The following AK9 variants were observed in gnomAD, a reference collection of about 807,000 sequenced individuals.
AK9 encodes adenylate kinase 9.
AK9 carries 191 observed loss-of-function variants against 239.6 expected under a neutral mutation model. The observed-to-expected ratio is 0.80, with a 90% CI of 0.71 to 0.90. The LOEUF is 0.90. Among genes scored for constraint, AK9 ranks in the 40% least tolerant of loss-of-function variants. AK9 has a pLI of 0.00. For synonymous variants in AK9, 689 were observed against 721.0 expected, an observed-to-expected ratio of 0.96 and a Z score of 0.71; for missense variants, 1,995 against 2,214.7, an observed-to-expected ratio of 0.90 and a Z score of 1.99.
intron 20 of AK9, among the ~76,000 whole-genome samples, chr6:109,578,176 C>T (rs963989727): frequency 5.3e-5 from 8 of 152,158 alleles, no homozygotes; most frequent in African/African-American, 1.9e-4. Flanking sequence ...CTCAGGTGAT[C>T]CACCCACCTC....
chr6:109,543,026 C>T (rs556083480), intron 26 of AK9, among the ~76,000 whole-genome samples: 15 of 152,038 alleles, frequency 9.9e-5, no homozygotes, highest in Non-Finnish European at 2.1e-4. Context: ...ATTATCTCTC[C>T]AACCTAGATC....
intron 19 of AK9, among the ~76,000 whole-genome samples, chr6:109,580,234 G>A (rs1788654728): frequency 6.6e-6 from 1 of 152,046 alleles, no homozygotes; most frequent in Admixed American, 6.6e-5. Flanking sequence ...GAAATTTAAA[G>A]AGACCTGGAA....
At chr6:109,652,342 A>C (rs953198819) in intron 8 of AK9, among the ~76,000 whole-genome samples, 1 of 143,220 alleles carries the variant, frequency 7.0e-6, no homozygotes, top group Non-Finnish European at 1.6e-5. Flanking sequence ...AGGCCTTCAA[A>C]AAAATTCAAC....
intron 28 of AK9, among the ~76,000 whole-genome samples, chr6:109,532,059 A>G (rs775164445): frequency 6.6e-6 from 1 of 152,198 alleles, no homozygotes; most frequent in Non-Finnish European, 1.5e-5. Context: ...TGGTTTTAAC[A>G]CTTTGGCAGT....
At chr6:109,626,564 T>C (rs886221711) in intron 12 of AK9, among the ~76,000 whole-genome samples, 1 of 152,170 alleles carries the variant, frequency 6.6e-6, no homozygotes, top group African/African-American at 2.4e-5. Context: ...GCAAACAGCA[T>C]AGAGTGTACT....
intron 10 of AK9, among the ~76,000 whole-genome samples, chr6:109,636,064 A>G (rs1438264126): frequency 6.6e-6 from 1 of 152,232 alleles, no homozygotes; most frequent in East Asian, 1.9e-4. Context: ...AAGGTTAAGC[A>G]GAGTCACAGG....
At chr6:109,620,234 A>G (rs1794654140) in intron 12 of AK9, among the ~76,000 whole-genome samples, 1 of 152,116 alleles carries the variant, frequency 6.6e-6, no homozygotes, top group South Asian at 2.1e-4. Context: ...AAACCATCAA[A>G]CTGTTTCCAA....
At chr6:109,528,970 G>T in intron 29 of AK9, 41 bp downstream of exon 29, 1 of 1,576,156 alleles carries the variant, frequency 6.3e-7, no homozygotes. Context: ...CTGGGCAACA[G>T]AGTGAGACCC....
intron 8 of AK9, among the ~76,000 whole-genome samples, chr6:109,650,084 T>A (rs1419427780): frequency 1.3e-5 from 2 of 152,128 alleles, no homozygotes; most frequent in Non-Finnish European, 2.9e-5. Flanking sequence ...AAAAATTAAT[T>A]CAAGATGCAT....
At chr6:109,536,646 T>A (rs1562370120) in intron 27 of AK9, among the ~76,000 whole-genome samples, 1 of 152,196 alleles carries the variant, frequency 6.6e-6, no homozygotes, top group African/African-American at 2.4e-5. Context: ...CTATGTTGAA[T>A]AGGAGTGGTG....
intron 5 of AK9, among the ~76,000 whole-genome samples, chr6:109,670,352 T>C (rs944147054): frequency 3.3e-5 from 5 of 152,238 alleles, no homozygotes; most frequent in African/African-American, 1.2e-4. Flanking sequence ...AATGGAACAT[T>C]ATACAGATGA....
intron 17 of AK9, among the ~76,000 whole-genome samples, chr6:109,600,178 A>G (rs1583195954): frequency 1.3e-5 from 2 of 152,268 alleles, no homozygotes; most frequent in East Asian, 3.9e-4. Context: ...GAATGCTTCC[A>G]GTTTTTGCCC....
rs566811118 is a variant in AK9, at chr6:109,558,030, A to G, written c.2751+5567T>C. 8.5e-5 allele frequency among the ~76,000 whole-genome samples: 13 copies of G among 152,250 alleles called. 1 individual carries two copies. The South Asian group carries it at 2.7e-3, about 32-fold the overall frequency. ...TTTCATGTACCTATTAGCCATCTGT[A>G]TATTTTAGTTGGTGAAGTATCTGGT... On this transcript the variant is annotated intron_variant, in intron 24 of 40. Transcript: ENST00000424296.
At chr6:109,521,580 A>G (rs1321201850) in intron 29 of AK9, among the ~76,000 whole-genome samples, 1 of 152,094 alleles carries the variant, frequency 6.6e-6, no homozygotes, top group Admixed American at 6.5e-5. Flanking sequence ...TTGGTGCTTC[A>G]TGTAGAAATT....
At position 109,540,907 on chromosome 6, in the gene AK9, C is replaced by T. The variant is rs537026549; in HGVS notation, c.3350+1140G>A. On this transcript the variant is annotated intron_variant, in intron 27 of 40. Coordinates refer to ENST00000424296, the MANE Select transcript of AK9 (RefSeq NM_001145128.3). ...GTTGTGGAGTTTCTCCATCTGAATGCCCTTCTGGAATTATACACACATTAT... is the reference window on the plus strand; with the variant it reads ...GTTGTGGAGTTTCTCCATCTGAATGTCCTTCTGGAATTATACACACATTAT... Among the ~76,000 whole-genome samples the T allele has an allele frequency of 1.2e-4, 19 of 152,212 alleles. 1 individual carries two copies. The South Asian group carries it at 2.7e-3, about 22-fold the overall frequency.
chr6:109,573,928 A>G (rs1411071629), intron 20 of AK9, among the ~76,000 whole-genome samples: 1 of 152,198 alleles, frequency 6.6e-6, no homozygotes, highest in African/African-American at 2.4e-5. Context: ...ACCATTCAAT[A>G]TAGTAGCCAC....
intron 17 of AK9, among the ~76,000 whole-genome samples, chr6:109,605,470 G>C (rs768576564): frequency 1.3e-5 from 2 of 152,054 alleles, no homozygotes; most frequent in African/African-American, 4.8e-5. Context: ...TGAGAAGGGA[G>C]CCAGGATCTC....
chr6:109,639,262 C>T (rs962706801), intron 10 of AK9, among the ~76,000 whole-genome samples: 4 of 152,204 alleles, frequency 2.6e-5, no homozygotes, highest in African/African-American at 9.7e-5. Context: ...ATCTACACTC[C>T]CACCAACGGT....
At chr6:109,537,623 T>C (rs1304212772) in intron 27 of AK9, among the ~76,000 whole-genome samples, 1 of 150,574 alleles carries the variant, frequency 6.6e-6, no homozygotes, top group Non-Finnish European at 1.5e-5. Flanking sequence ...GACCTGATCT[T>C]AGTTATTTCT....
Sources: allele counts gnomAD v4.1 joint callset (sites outside exome capture counted in the v4.1 genomes callset), GRCh38; gene constraint gnomAD v4.1.1; transcripts MANE v1.5; gene names NCBI Gene and HGNC (gene_info 2026-07-23, HGNC 2026-07-21).